Variants in ANO3 observed in about 807,000 individuals in gnomAD.
The protein encoded by ANO3 is anoctamin-3.
In ANO3, 99 loss-of-function variants were observed where a neutral mutation model predicts 144.8. The observed-to-expected ratio is 0.68, with a 90% CI of 0.58 to 0.81. ANO3 has a LOEUF of 0.81. ANO3 is among the 30% of genes least tolerant of loss of function. The pLI is 0.00. For synonymous variants in ANO3, 414 were observed against 392.6 expected, an observed-to-expected ratio of 1.05 and a Z score of -0.64; for missense variants, 905 against 1,202.2, an observed-to-expected ratio of 0.75 and a Z score of 3.66.
chr11:26,286,122 T>A (rs1853801554), intron 1 of ANO3: 1 of 152,104 alleles, frequency 6.6e-6, no homozygotes, highest in Non-Finnish European at 1.5e-5. Flanking sequence ...CTTATTGTCT[T>A]CCATATGAAA....
At chr11:26,533,732 C>A (rs1849432124) in intron 8 of ANO3, among the ~76,000 whole-genome samples, 1 of 152,156 alleles carries the variant, frequency 6.6e-6, no homozygotes, top group South Asian at 2.1e-4. Context: ...AGAAAAGTTA[C>A]ACCGTTTGCC....
chr11:26,301,376 A>C (rs1233373145), intron 1 of ANO3, among the ~76,000 whole-genome samples: 1 of 152,232 alleles, frequency 6.6e-6, no homozygotes, highest in Non-Finnish European at 1.5e-5. Context: ...GAGAAAAAAT[A>C]GACTAGATAT....
At chr11:26,216,915 G>A (rs1791286220) in intron 1 of ANO3, among the ~76,000 whole-genome samples, 2 of 152,014 alleles carry the variant, frequency 1.3e-5, no homozygotes, top group African/African-American at 2.4e-5. Flanking sequence ...ATCATGTGGT[G>A]AGTTTTCTTA....
intron 22 of ANO3, 149 bp downstream of exon 22, chr11:26,642,178 A>T: frequency 1.2e-6 from 1 of 803,390 alleles, no homozygotes; most frequent in Non-Finnish European, 1.9e-6. Context: ...TCAAGGAGCT[A>T]GAGATACTAA....
intron 8 of ANO3, among the ~76,000 whole-genome samples, 184 bp from the exon 9 acceptor site, chr11:26,534,272 G>A (rs1849447180): frequency 6.6e-6 from 1 of 152,162 alleles, no homozygotes; most frequent in Non-Finnish European, 1.5e-5. Flanking sequence ...AGATAACAAA[G>A]TGAACATTTG....
At chr11:26,193,264 C>T (rs1036030748) in intron 1 of ANO3, among the ~76,000 whole-genome samples, 1 of 151,698 alleles carries the variant, frequency 6.6e-6, no homozygotes. Context: ...GCCTCAGCCT[C>T]CAGAGTAGCT....
chr11:26,629,198 G>A (rs1852689929), intron 18 of ANO3, among the ~76,000 whole-genome samples: 1 of 152,054 alleles, frequency 6.6e-6, no homozygotes, highest in South Asian at 2.1e-4. Flanking sequence ...TAAAGCAACT[G>A]AATAGCACTC....
At chr11:26,434,257 C>T (rs548397799) in intron 1 of ANO3, among the ~76,000 whole-genome samples, 7 of 151,954 alleles carry the variant, frequency 4.6e-5, no homozygotes, top group Admixed American at 2.0e-4. Flanking sequence ...CCTGTGGGGT[C>T]GGTATTTCTG....
upstream of ANO3, among the ~76,000 whole-genome samples, chr11:26,328,733 CAAAGAGAAA>C (rs1269512236): frequency 7.9e-5 from 12 of 151,184 alleles, no homozygotes; most frequent in Non-Finnish European, 8.8e-5. Flanking sequence ...ACCCTAGGTC[CAAAGAGAAA>C]AAAGAGAAAA....
intron 17 of ANO3, among the ~76,000 whole-genome samples, chr11:26,617,664 A>G (rs1307403298): frequency 6.6e-6 from 1 of 152,214 alleles, no homozygotes; most frequent in Non-Finnish European, 1.5e-5. Context: ...GGAGTAGACC[A>G]TAAATACTTC....
At chr11:26,219,450 T>C (rs1216811115) in intron 1 of ANO3, among the ~76,000 whole-genome samples, 1 of 152,196 alleles carries the variant, frequency 6.6e-6, no homozygotes, top group African/African-American at 2.4e-5. Context: ...GGAAGTCATA[T>C]CTTGTTTTCA....
chr11:26,491,544 G>A (rs1469981564), intron 4 of ANO3, among the ~76,000 whole-genome samples: 1 of 152,158 alleles, frequency 6.6e-6, no homozygotes, highest in East Asian at 1.9e-4. Context: ...ATAAAGAAGG[G>A]TATTCAGAAA....
At chr11:26,415,678 A>G (rs979226889) in intron 1 of ANO3, among the ~76,000 whole-genome samples, 3 of 152,110 alleles carry the variant, frequency 2.0e-5, no homozygotes, top group Admixed American at 2.0e-4. Flanking sequence ...TGTTTTGTGT[A>G]GCACACTGAA....
At chr11:26,284,313 G>C (rs1465115572) in intron 1 of ANO3, among the ~76,000 whole-genome samples, 1 of 152,180 alleles carries the variant, frequency 6.6e-6, no homozygotes, top group Non-Finnish European at 1.5e-5. Flanking sequence ...GAGTGGAGTG[G>C]CATAGAATAA....
chr11:26,546,413 G>C (rs891891435), intron 11 of ANO3, among the ~76,000 whole-genome samples: 1 of 151,930 alleles, frequency 6.6e-6, no homozygotes, highest in African/African-American at 2.4e-5. Context: ...AGTTTTCAGA[G>C]AAGAGAAGGC....
At chr11:26,319,648 T>TTAACA (rs1384639180) in intron 1 of ANO3, among the ~76,000 whole-genome samples, 2 of 152,214 alleles carry the variant, frequency 1.3e-5, no homozygotes, top group African/African-American at 4.8e-5. Flanking sequence ...AATGCCTTTG[T>TTAACA]TAACATATCC....
chr11:26,209,448 A>G (rs1851886134), intron 1 of ANO3, among the ~76,000 whole-genome samples: 1 of 152,216 alleles, frequency 6.6e-6, no homozygotes, highest in South Asian at 2.1e-4. Flanking sequence ...GTGCTGCAAT[A>G]AACATATGTG....
rs183565128 is a variant in ANO3, at chr11:26,548,365, G to A, written c.1289+815G>A. On this transcript the variant is annotated intron_variant, in intron 12 of 26. Transcript: ENST00000256737. ...CAGCATGTTCTATTTAATATATCACGAGTATATTATCAACTTTGACTTTGT... is the reference window on the plus strand; with the variant it reads ...CAGCATGTTCTATTTAATATATCACAAGTATATTATCAACTTTGACTTTGT... 1.2e-3 allele frequency among the ~76,000 whole-genome samples: 178 copies of A among 151,874 alleles called. 1 individual carries two copies. Among genetic ancestry groups the A allele is most frequent in the Non-Finnish European group, 2.1e-3 (144 of 67,874 alleles).
intron 1 of ANO3, among the ~76,000 whole-genome samples, chr11:26,369,307 C>T (rs1856183412): frequency 6.6e-6 from 1 of 152,254 alleles, no homozygotes; most frequent in South Asian, 2.1e-4. Flanking sequence ...CATCTGGAAA[C>T]ATTAAAATGT....
Sources: allele counts gnomAD v4.1 joint callset (sites outside exome capture counted in the v4.1 genomes callset), GRCh38; gene constraint gnomAD v4.1.1; transcripts MANE v1.5; gene names NCBI Gene and HGNC (gene_info 2026-07-23, HGNC 2026-07-21).